The following LDLRAD4 variants were observed in gnomAD, a reference collection of about 807,000 sequenced individuals.
LDLRAD4 encodes the protein low density lipoprotein receptor class A domain containing 4.
LDLRAD4 carries 5 observed loss-of-function variants against 17.0 expected under a neutral mutation model. That is an observed-to-expected ratio of 0.29 (90% CI 0.15 to 0.62). LDLRAD4 has a LOEUF of 0.62. Among genes scored for constraint, LDLRAD4 ranks in the 20% least tolerant of loss-of-function variants. The pLI, the probability that LDLRAD4 is intolerant of heterozygous loss-of-function variation, is 0.84. For synonymous variants in LDLRAD4, 168 were observed against 171.8 expected, an observed-to-expected ratio of 0.98 and a Z score of 0.17; for missense variants, 340 against 424.7, an observed-to-expected ratio of 0.80 and a Z score of 1.75.
At chr18:13,629,777 G>GAA (rs201708526) in intron 4 of LDLRAD4, among the ~76,000 whole-genome samples, 2 of 144,058 alleles carry the variant, frequency 1.4e-5, no homozygotes, top group South Asian at 2.2e-4. Context: ...GGTTTGTTCT[G>GAA]AAAAAAAAAA....
intron 3 of LDLRAD4, among the ~76,000 whole-genome samples, chr18:13,620,450 G>A (rs1423629416): frequency 1.3e-5 from 2 of 152,220 alleles, no homozygotes; most frequent in Non-Finnish European, 2.9e-5. Context: ...GCAGAAAGTG[G>A]CTCCAGGCCG....
chr18:13,616,480 G>A (rs2040089251), intron 3 of LDLRAD4, among the ~76,000 whole-genome samples: 1 of 152,222 alleles, frequency 6.6e-6, no homozygotes, highest in Admixed American at 6.5e-5. Flanking sequence ...TCTGGCTCCT[G>A]TGACTTAAAG....
chr18:13,494,533 C>T (rs1427014277), intron 3 of LDLRAD4, among the ~76,000 whole-genome samples: 1 of 149,558 alleles, frequency 6.7e-6, no homozygotes, highest in African/African-American at 2.5e-5. Flanking sequence ...TACATTGAGG[C>T]TGGGCATGGT....
chr18:13,299,715 A>G (rs1324809189), intron 1 of LDLRAD4, among the ~76,000 whole-genome samples: 1 of 152,166 alleles, frequency 6.6e-6, no homozygotes, highest in Non-Finnish European at 1.5e-5. Flanking sequence ...AGTGGTGCAC[A>G]GCTGTAATCC....
intron 3 of LDLRAD4, among the ~76,000 whole-genome samples, chr18:13,514,256 C>T (rs1035806301): frequency 3.3e-5 from 5 of 152,238 alleles, no homozygotes; most frequent in Admixed American, 1.3e-4. Flanking sequence ...AAGAGTAAAC[C>T]GTTTCTTTAA....
At chr18:13,227,078 C>T (rs2041850701) in intron 1 of LDLRAD4, among the ~76,000 whole-genome samples, 2 of 152,186 alleles carry the variant, frequency 1.3e-5, no homozygotes, top group African/African-American at 4.8e-5. Context: ...GATGGGCAGA[C>T]AGAAAATTCA....
chr18:13,514,795 G>A (rs1489605636), intron 3 of LDLRAD4: 1 of 152,264 alleles, frequency 6.6e-6, no homozygotes, highest in Non-Finnish European at 1.5e-5. Context: ...CCAGGCTGGT[G>A]TTGCTGCCCA....
chr18:13,557,224 G>A (rs2094492966), intron 3 of LDLRAD4, among the ~76,000 whole-genome samples: 1 of 152,206 alleles, frequency 6.6e-6, no homozygotes, highest in African/African-American at 2.4e-5. Context: ...CTTGAGCCCA[G>A]GAGTTCAAGC....
At chr18:13,455,070 A>C (rs1014180826) in intron 3 of LDLRAD4, among the ~76,000 whole-genome samples, 1 of 152,166 alleles carries the variant, frequency 6.6e-6, no homozygotes, top group Non-Finnish European at 1.5e-5. Flanking sequence ...TGGATGCTGG[A>C]CACCTGTATG....
At chr18:13,347,900 C>T (rs778792454) in intron 1 of LDLRAD4, among the ~76,000 whole-genome samples, 20 of 152,200 alleles carry the variant, frequency 1.3e-4, no homozygotes, top group South Asian at 2.1e-4. Flanking sequence ...ACATAGTTCT[C>T]GTGCCATGGT....
chr18:13,463,134 C>T (rs2092492093), intron 3 of LDLRAD4, among the ~76,000 whole-genome samples: 1 of 152,196 alleles, frequency 6.6e-6, no homozygotes, highest in Non-Finnish European at 1.5e-5. Flanking sequence ...TCTAGAATCA[C>T]ACGTGATGTG....
chr18:13,559,786 C>T (rs2094521330), intron 3 of LDLRAD4, among the ~76,000 whole-genome samples: 1 of 152,212 alleles, frequency 6.6e-6, no homozygotes, highest in Non-Finnish European at 1.5e-5. Context: ...TAAATCACTG[C>T]CCCTCTCCTG....
At chr18:13,581,587 T>A (rs12958183) in intron 3 of LDLRAD4, among the ~76,000 whole-genome samples, 4 of 152,248 alleles carry the variant, frequency 2.6e-5, no homozygotes, top group Middle Eastern at 3.2e-3. Context: ...TTCTGTTTTG[T>A]CTACCATTCA....
At chr18:13,282,890 C>G (rs750773184) in intron 1 of LDLRAD4, among the ~76,000 whole-genome samples, 2 of 152,248 alleles carry the variant, frequency 1.3e-5, no homozygotes, top group Admixed American at 6.5e-5. Context: ...TTCCATACAT[C>G]TTCTGAAATC....
chr18:13,252,954 G>A (rs2145844697), intron 1 of LDLRAD4, among the ~76,000 whole-genome samples: 1 of 152,346 alleles, frequency 6.6e-6, no homozygotes, highest in African/African-American at 2.4e-5. Context: ...TGTACCACGA[G>A]GCTTCTGTGA....
At chr18:13,339,629 A>G (rs1243960042) in intron 1 of LDLRAD4, among the ~76,000 whole-genome samples, 1 of 152,216 alleles carries the variant, frequency 6.6e-6, no homozygotes, top group Non-Finnish European at 1.5e-5. Flanking sequence ...TTAAGTAATA[A>G]AATAAAACTT....
intron 1 of LDLRAD4, among the ~76,000 whole-genome samples, chr18:13,259,426 T>C (rs1167614702): frequency 1.3e-5 from 2 of 152,196 alleles, no homozygotes; most frequent in African/African-American, 4.8e-5. Flanking sequence ...TTCTCTTGCC[T>C]CAGCCTCTGA....
intron 5 of LDLRAD4, among the ~76,000 whole-genome samples, chr18:13,643,768 A>G (rs2042824652): frequency 6.6e-6 from 1 of 152,260 alleles, no homozygotes; most frequent in Non-Finnish European, 1.5e-5. Flanking sequence ...GGATTTTAAA[A>G]TAACATGTTT....
At chr18:13,592,957 A>G (rs1228176982) in intron 3 of LDLRAD4, among the ~76,000 whole-genome samples, 2 of 152,246 alleles carry the variant, frequency 1.3e-5, no homozygotes, top group Non-Finnish European at 2.9e-5. Context: ...TAGAAAGTGT[A>G]TTCTTAAATT....
Sources: gnomAD v4.1 joint callset for allele counts (sites outside exome capture counted in the v4.1 genomes callset) on GRCh38, gnomAD v4.1.1 for gene constraint, MANE v1.5 for transcripts, NCBI Gene and HGNC (gene_info 2026-07-23, HGNC 2026-07-21) for gene names.